The following ABCA13 variants were observed in gnomAD, a reference collection of about 807,000 sequenced individuals.
ABCA13 encodes ATP-binding cassette sub-family A member 13.
In ABCA13, 476 loss-of-function variants were observed where a neutral mutation model predicts 478.7. That is an observed-to-expected ratio of 0.99 (90% confidence interval 0.92 to 1.07). ABCA13 has a LOEUF of 1.07. ABCA13 is among the 50% of genes least tolerant of loss of function. The probability of loss-of-function intolerance (pLI) is 0.00; values close to 1 mark genes in which losing one functional copy is unlikely to be tolerated. For missense variants in ABCA13, 6,060 were observed against 5,910.6 expected, an observed-to-expected ratio of 1.03 and a Z score of -0.83; for synonymous variants, 2,252 against 2,158.9, an observed-to-expected ratio of 1.04 and a Z score of -1.20.
At chr7:48,609,201 C>T (rs73694693) in intron 58 of ABCA13, among the ~76,000 whole-genome samples, 15,178 of 152,082 alleles carry the variant, frequency 0.1, 1,275 homozygotes, top group African/African-American at 0.23. Flanking sequence ...GGTGTCATGA[C>T]AAAAATTTCA....
intron 31 of ABCA13, among the ~76,000 whole-genome samples, chr7:48,353,817 G>A (rs941016469): frequency 6.6e-6 from 1 of 151,990 alleles, no homozygotes; most frequent in African/African-American, 2.4e-5. Context: ...TGAACAAAAG[G>A]TCAGGAAGAA....
intron 55 of ABCA13, among the ~76,000 whole-genome samples, chr7:48,562,685 C>G (rs531019157): frequency 2.0e-5 from 3 of 152,192 alleles, no homozygotes; most frequent in Admixed American, 2.0e-4. Context: ...CACTGGGGGA[C>G]TAGATGCTGT....
At chr7:48,416,653 C>T (rs1357095168) in intron 41 of ABCA13, among the ~76,000 whole-genome samples, 1 of 152,060 alleles carries the variant, frequency 6.6e-6, no homozygotes, top group African/African-American at 2.4e-5. Flanking sequence ...TCGGAGAGTG[C>T]CCCGGGACCA....
intron 55 of ABCA13, among the ~76,000 whole-genome samples, chr7:48,574,072 A>G: frequency 6.6e-6 from 1 of 152,078 alleles, no homozygotes; most frequent in East Asian, 1.9e-4. Context: ...AAATAAGGTC[A>G]TATTCCAAGG....
intron 15 of ABCA13, among the ~76,000 whole-genome samples, chr7:48,265,956 T>C (rs1305977878): frequency 2.0e-5 from 3 of 151,716 alleles, no homozygotes; most frequent in Non-Finnish European, 4.4e-5. Context: ...TGGCAAGAGC[T>C]TTTAATCAGG....
At chr7:48,253,791 T>G (rs368936280) in intron 15 of ABCA13, among the ~76,000 whole-genome samples, 7 of 152,340 alleles carry the variant, frequency 4.6e-5, no homozygotes, top group African/African-American at 1.4e-4. Context: ...GAATGTTTCT[T>G]CATATTTATC....
At chr7:48,417,959 C>T (rs1820254548) in intron 41 of ABCA13, among the ~76,000 whole-genome samples, 1 of 152,128 alleles carries the variant, frequency 6.6e-6, no homozygotes, top group African/African-American at 2.4e-5. Flanking sequence ...ATTTTGGCTT[C>T]TTTATCTTAG....
intron 3 of ABCA13, among the ~76,000 whole-genome samples, chr7:48,218,000 C>T (rs565024877): frequency 6.6e-6 from 1 of 152,296 alleles, no homozygotes; most frequent in South Asian, 2.1e-4. Context: ...CTGGAATTCA[C>T]TCTCTCTCTC....
At chr7:48,572,419 C>T (rs938815027) in intron 55 of ABCA13, among the ~76,000 whole-genome samples, 2 of 152,098 alleles carry the variant, frequency 1.3e-5, no homozygotes, top group African/African-American at 4.8e-5. Context: ...TCTGGGCTCA[C>T]ATAATCTTTC....
intron 35 of ABCA13, among the ~76,000 whole-genome samples, chr7:48,378,444 T>C (rs1466794934): frequency 6.6e-6 from 1 of 152,188 alleles, no homozygotes; most frequent in African/African-American, 2.4e-5. Context: ...TTGGTAATCT[T>C]TTGGAAGTAC....
At chr7:48,290,948 A>G (rs1798441143) in intron 20 of ABCA13, among the ~76,000 whole-genome samples, 1 of 148,870 alleles carries the variant, frequency 6.7e-6, no homozygotes, top group South Asian at 2.1e-4. Flanking sequence ...GGGAAAAAAA[A>G]AAAAAAAAAA....
chr7:48,273,503 GT>G lies in ABCA13; in HGVS notation c.3842del (p.Leu1281Ter). 6.3e-7 allele frequency: 1 copy of G among 1,596,928 alleles called. No individual in the cohort carries two copies. Among genetic ancestry groups the G allele is most frequent in the Non-Finnish European group, 8.5e-7 (1 of 1,170,218 alleles). ...FPFNESTSRE[F>X]LNSLLEVFIE... ...CATTCAACGAAAGTACAAGCAGAGA[GT>G]TTTTAAATTCTCTGCTTGAAGTTTT... On this transcript the variant is annotated frameshift_variant, in exon 17 of 62. Transcript: ENST00000435803. LOFTEE classifies it high-confidence loss of function.
At chr7:48,546,448 C>G (rs1784817287) in intron 55 of ABCA13, among the ~76,000 whole-genome samples, 1 of 149,044 alleles carries the variant, frequency 6.7e-6, no homozygotes, top group South Asian at 2.1e-4. Context: ...TATATATAGA[C>G]ACAGAATTAT....
chr7:48,436,185 A>G (rs987720602), intron 42 of ABCA13, among the ~76,000 whole-genome samples: 19 of 151,572 alleles, frequency 1.3e-4, no homozygotes, highest in African/African-American at 4.4e-4. Flanking sequence ...GAATATTTTA[A>G]TTATTGATTC....
At chr7:48,241,148 C>G in intron 10 of ABCA13, 82 bp downstream of exon 10, 1 of 1,471,798 alleles carries the variant, frequency 6.8e-7, no homozygotes, top group Non-Finnish European at 9.4e-7. Flanking sequence ...CTGTTAGAAA[C>G]ACATTCTGTA....
chr7:48,504,155 C>T (rs982243606), intron 48 of ABCA13, among the ~76,000 whole-genome samples: 1 of 152,162 alleles, frequency 6.6e-6, no homozygotes, highest in Non-Finnish European at 1.5e-5. Flanking sequence ...CAAATGACAA[C>T]ATATGCCTGC....
intron 55 of ABCA13, among the ~76,000 whole-genome samples, chr7:48,566,939 C>A (rs941574372): frequency 2.6e-5 from 4 of 152,058 alleles, no homozygotes; most frequent in Non-Finnish European, 5.9e-5. Flanking sequence ...AACATTCTAC[C>A]GAACTACTTA....
chr7:48,433,879 C>A (rs1010041933), intron 42 of ABCA13, among the ~76,000 whole-genome samples: 45 of 151,998 alleles, frequency 3.0e-4, no homozygotes, highest in African/African-American at 9.4e-4. Flanking sequence ...GAATAATATT[C>A]CATTATATGT....
At chr7:48,626,047 C>A (rs1366023515) in intron 59 of ABCA13, among the ~76,000 whole-genome samples, 1 of 152,142 alleles carries the variant, frequency 6.6e-6, no homozygotes, top group Non-Finnish European at 1.5e-5. Flanking sequence ...TTCTAAGAGA[C>A]TGGTGAACGA....
Sources: gnomAD v4.1 joint callset for allele counts (sites outside exome capture counted in the v4.1 genomes callset) on GRCh38, gnomAD v4.1.1 for gene constraint, MANE v1.5 for transcripts, NCBI Gene and HGNC (gene_info 2026-07-23, HGNC 2026-07-21) for gene names.